Variants in CFAP46 observed in about 807,000 individuals in gnomAD.
The protein encoded by CFAP46 is cilia and flagella associated protein 46.
In CFAP46, 245 loss-of-function variants were observed where a neutral mutation model predicts 325.7. The observed-to-expected ratio is 0.75, with a 90% CI of 0.68 to 0.84. The LOEUF is 0.84. Ranked by LOEUF, CFAP46 falls within the 40% of genes least tolerant of loss-of-function variation. The probability of loss-of-function intolerance (pLI) is 0.00; values close to 1 mark genes in which losing one functional copy is unlikely to be tolerated. For missense variants in CFAP46, 3,346 were observed against 3,543.0 expected (o/e 0.94, Z 1.41); for synonymous variants, 1,523 against 1,495.9 (o/e 1.02, Z -0.42).
intron 50 of CFAP46, among the ~76,000 whole-genome samples, chr10:132,821,776 G>C (rs1847840512): frequency 7.2e-6 from 1 of 139,714 alleles, no homozygotes; most frequent in African/African-American, 2.8e-5. Context: ...TGTGTGCTGT[G>C]TGAGTGCTGA....
Position 132,814,890 on chromosome 10 carries a change from C to A in CFAP46, c.7142G>T (p.Arg2381Ile). 1 of 1,614,212 alleles carries A rather than the reference C, an allele frequency of 6.2e-7. No individual in the cohort carries two copies. Among genetic ancestry groups the A allele is most frequent in the Non-Finnish European group, 8.5e-7 (1 of 1,180,022 alleles). ...ETEGGVKKEG[R>I]SRDPKKRSLA... ...GCTTCTCTTTTTGGGGTCTCTGCTT[C>A]TTCCCTCCTTTTTCACGCCACCTTC... The change falls in exon 51 of 58, where the codon AGA becomes ATA. Residue 2381 changes from arginine (R) to isoleucine (I), a missense_variant. Physicochemically the swap from Arg to Ile is moderately conservative, Grantham distance 97 (BLOSUM62 -3). Coordinates refer to ENST00000368586, the MANE Select transcript of CFAP46 (RefSeq NM_001200049.3).
chr10:132,925,962 C>T (rs1182848787), intron 10 of CFAP46, among the ~76,000 whole-genome samples: 3 of 152,266 alleles, frequency 2.0e-5, no homozygotes, highest in Non-Finnish European at 4.4e-5. Context: ...CGTGGTACCA[C>T]ATCAGGGCTG....
chr10:132,926,321 C>T (rs1339331315), intron 10 of CFAP46, among the ~76,000 whole-genome samples: 1 of 152,172 alleles, frequency 6.6e-6, no homozygotes, highest in Non-Finnish European at 1.5e-5. Context: ...CAGAGGGAGT[C>T]GCATCCCAGC....
chr10:132,843,495 GCTGTAGGGCTGCTGCTGGTGGGCGTTC>G (rs1848378116), intron 44 of CFAP46, among the ~76,000 whole-genome samples: 1 of 148,400 alleles, frequency 6.7e-6, no homozygotes, highest in Non-Finnish European at 1.5e-5. Context: ...TTCCCAGGGT[GCTGTAGGGCTGCTGCTGGTGGGCGTTC>G]CCAGGGTGCT....
At chr10:132,915,044 A>T (rs552432179) in intron 17 of CFAP46, among the ~76,000 whole-genome samples, 2 of 152,348 alleles carry the variant, frequency 1.3e-5, no homozygotes, top group East Asian at 3.9e-4. Context: ...CCGTCCCGCT[A>T]GACCAGGCTG....
Position 132,851,213 on chromosome 10 carries a change from C to T in CFAP46, c.5667G>A (p.Trp1889Ter). 1 of 1,614,104 alleles carries T rather than the reference C, an allele frequency of 6.2e-7. No homozygotes were observed. Among genetic ancestry groups the T allele is most frequent in the Non-Finnish European group, 8.5e-7 (1 of 1,180,030 alleles). ...EMALDMLQFIWEEAHGQQSEQ... is the reference protein window; with the variant it reads ...EMALDMLQFI ...CACTCTGCTGCCCGTGGGCCTCCTC[C>T]CAGATGAACTGGAGCATGTCCAGAG... The change falls in exon 40 of 58, where the codon TGG (tryptophan) becomes TGA (stop). Residue 1889 changes from tryptophan (W) to a stop codon, truncating the protein, a stop_gained. Coordinates refer to ENST00000368586, the MANE Select transcript of CFAP46 (RefSeq NM_001200049.3). LOFTEE classifies it high-confidence loss of function.
intron 25 of CFAP46, among the ~76,000 whole-genome samples, chr10:132,890,858 A>C (rs1201860157): frequency 6.6e-6 from 1 of 152,136 alleles, no homozygotes; most frequent in Non-Finnish European, 1.5e-5. Context: ...TATTATTTTA[A>C]ATCAACTTTG....
intron 22 of CFAP46, among the ~76,000 whole-genome samples, chr10:132,901,087 T>C (rs1263495717): frequency 1.3e-5 from 2 of 152,228 alleles, no homozygotes; most frequent in African/African-American, 4.8e-5. Context: ...TCCTTTTACC[T>C]TCAATCTGTG....
chr10:132,934,932 C>T, intron 7 of CFAP46, 70 bp from the exon 8 acceptor site: 1 of 988,390 alleles, frequency 1.0e-6, no homozygotes, highest in African/African-American at 1.6e-5. Flanking sequence ...CTAAGAGAAA[C>T]TCTGCGTGTA....
Position 132,885,403 on chromosome 10 carries a change from G to A in CFAP46, c.3444-117C>T. On this transcript the variant is annotated intron_variant, in intron 26 of 57. Coordinates refer to ENST00000368586, the MANE Select transcript of CFAP46 (RefSeq NM_001200049.3). ...CAGCTTAAAAAGACGAAGCAAAGCAGAGCCCAGGTGAGCGGGGGTCTCGGG... is the reference window on the plus strand; with the variant it reads ...CAGCTTAAAAAGACGAAGCAAAGCAAAGCCCAGGTGAGCGGGGGTCTCGGG... The A allele has an allele frequency of 4.7e-6, 5 of 1,060,040 alleles. No homozygotes were observed. In the East Asian group the frequency reaches 1.1e-4, roughly 22 times the overall value. 65.7% of individuals were successfully genotyped at this position (1,060,040 alleles called of 1,614,324 possible).
chr10:132,857,793 A>G lies in CFAP46; in HGVS notation c.5376-5T>C, dbSNP rs1848665186. ...TTCTCGTTCTGGGCACGTAACCTTT[A>G]TAAGACATAAGAATGGAATTTTAAA... On this transcript the variant is annotated splice_region_variant and splice_polypyrimidine_tract_variant and intron_variant, in intron 38 of 57. Coordinates refer to ENST00000368586, the MANE Select transcript of CFAP46 (RefSeq NM_001200049.3). 6.6e-7 allele frequency: 1 copy of G among 1,509,368 alleles called. No homozygotes were observed. The highest frequency in any genetic ancestry group is 8.8e-7 in the Non-Finnish European group (1 of 1,130,136). The allele number at this position is 1,509,368 out of a possible 1,614,324, so 93.5% of individuals were successfully genotyped here.
chr10:132,921,978 T>C (rs1849730312), intron 13 of CFAP46, 126 bp downstream of exon 13: 6 of 1,213,300 alleles, frequency 4.9e-6, no homozygotes, highest in Non-Finnish European at 6.7e-6. Flanking sequence ...ACACTGCCGG[T>C]GCAAGGTCCT....
In CFAP46 at chr10:132,879,480, C is replaced by T. The variant is rs1450363695; in HGVS notation, c.3951G>A (p.Glu1317=). The change falls in exon 29 of 58, where the codon GAG becomes GAA. Residue 1317 remains glutamate, a synonymous_variant. Transcript: ENST00000368586. The part of the protein sequence containing the change: ...LLALVLSPGA[E]GYEDCCLAAY... ...CTGCAAGGCAGCAGTCCTCGTAGCC[C>T]TCGGCGCCCGGCGACAGCACCAGGG... The T allele has an allele frequency of 4.5e-6, 7 of 1,546,426 alleles. No homozygotes were observed. The highest frequency in any genetic ancestry group is 4.9e-5 in the East Asian group (2 of 40,872).
At chr10:132,822,355 T>G (rs1252985434) in intron 50 of CFAP46, among the ~76,000 whole-genome samples, 4 of 144,160 alleles carry the variant, frequency 2.8e-5, no homozygotes, top group Non-Finnish European at 6.0e-5. Flanking sequence ...ATGTGTGCTG[T>G]GTGTGCAGTG....
At chr10:132,820,708 G>C (rs2134823389) in intron 50 of CFAP46, among the ~76,000 whole-genome samples, 1 of 103,568 alleles carries the variant, frequency 9.7e-6, no homozygotes, top group Admixed American at 1.3e-4. Context: ...TGTGTGCTGT[G>C]TGTGCGCTGA....
rs1303693153 is a variant in CFAP46, at chr10:132,860,367, G to A, written c.5198+50C>T. On this transcript the variant is annotated intron_variant, in intron 37 of 57. Coordinates refer to ENST00000368586, the MANE Select transcript of CFAP46 (RefSeq NM_001200049.3). ...GCACAAAAATTGCAGATGGAAAAGA[G>A]GAAACCACAGCTTTCACGCTAATGA... 2.8e-6 allele frequency: 4 copies of A among 1,435,456 alleles called. No homozygotes were observed. The South Asian group carries it at 4.9e-5, about 18-fold the overall frequency. The allele number at this position is 1,435,456 out of a possible 1,614,324, so 88.9% of individuals were successfully genotyped here.
chr10:132,913,362 A>C, intron 17 of CFAP46, 104 bp from the exon 18 acceptor site: 1 of 388,534 alleles, frequency 2.6e-6, no homozygotes, highest in Non-Finnish European at 5.1e-6. Context: ...GCAGGGCAAG[A>C]AGTGGGAGGG....
chr10:132,859,913 G>A (rs1848699520), intron 37 of CFAP46, among the ~76,000 whole-genome samples: 1 of 152,164 alleles, frequency 6.6e-6, no homozygotes, highest in Non-Finnish European at 1.5e-5. Flanking sequence ...AAATTAGCCG[G>A]GCATGGTGGC....
Position 132,938,575 on chromosome 10 carries a change from C to T in CFAP46, c.536+14G>A, listed in dbSNP as rs754013791. On this transcript the variant is annotated intron_variant, in intron 5 of 57. Transcript: ENST00000368586. ...CACCGGGAGGCCACAGAGGGCACGG[C>T]GAGCTCAACTCACAGCATCAGCTCA... is the stretch of plus-strand genomic sequence containing the variant. The T allele has an allele frequency of 4.3e-5, 70 of 1,610,450 alleles. No individual in the cohort carries two copies. Among genetic ancestry groups the T allele is most frequent in the Middle Eastern group, 1.8e-4 (1 of 5,580 alleles).
Sources: gnomAD v4.1 joint callset for allele counts (sites outside exome capture counted in the v4.1 genomes callset) on GRCh38, gnomAD v4.1.1 for gene constraint, MANE v1.5 for transcripts, NCBI Gene and HGNC (gene_info 2026-07-23, HGNC 2026-07-21) for gene names.